CLCA2: variants seen among roughly 807,000 people sequenced by gnomAD.
CLCA2 encodes calcium-activated chloride channel regulator 2.
In CLCA2, 85 loss-of-function variants were observed where a neutral mutation model predicts 82.9. The observed-to-expected ratio is 1.03, with a 90% CI of 0.86 to 1.23. CLCA2 has a LOEUF of 1.23. CLCA2 is among the 50% of genes most tolerant of loss of function. The pLI is 0.00. For synonymous variants in CLCA2, 421 were observed against 391.7 expected, an observed-to-expected ratio of 1.07 and a Z score of -0.88; for missense variants, 1,089 against 1,124.8, an observed-to-expected ratio of 0.97 and a Z score of 0.45.
chr1:86,447,586 T>C lies in CLCA2; in HGVS notation c.1792T>C (p.Ser598Pro). 1 of 1,614,092 alleles carries C rather than the reference T, an allele frequency of 6.2e-7. No homozygotes were observed. Among genetic ancestry groups the C allele is most frequent in the Non-Finnish European group, 8.5e-7 (1 of 1,179,992 alleles). The change falls in exon 11 of 14, where the codon TCC becomes CCC. Residue 598 changes from serine (S) to proline (P), a missense_variant. Coordinates refer to ENST00000370565, the MANE Select transcript of CLCA2 (RefSeq NM_006536.7). Reference sequence around the variant, plus strand: ...GAAAGTGACAGTGACCTCTCGCGCCTCCAACTCAGCTGTGCCCCCAGCCAC... The same window carrying C: ...GAAAGTGACAGTGACCTCTCGCGCCCCCAACTCAGCTGTGCCCCCAGCCAC... ...ALKVTVTSRA[S>P]NSAVPPATVE...
intron 11 of CLCA2, 22 bp from the exon 12 acceptor site, chr1:86,450,541 A>G: frequency 3.8e-6 from 6 of 1,585,592 alleles, no homozygotes; most frequent in Non-Finnish European, 5.2e-6. Flanking sequence ...AAGTGTTGAC[A>G]CTGTGTTTTT....
At chr1:86,437,063 C>A (rs567635414) in intron 6 of CLCA2, among the ~76,000 whole-genome samples, 1 of 152,188 alleles carries the variant, frequency 6.6e-6, no homozygotes, top group East Asian at 1.9e-4. Context: ...TGGCTATCTG[C>A]CTGTATTGAG....
chr1:86,438,960 A>G lies in CLCA2; in HGVS notation c.1057A>G (p.Ser353Gly). The stretch of plus-strand genomic sequence containing the variant: ...AATTCATACCTTCGTGGGCATTGCC[A>G]GTTTCGACAGCAAAGGAGAGATCAG... ...VEIHTFVGIA[S>G]FDSKGEIRAQ... is the part of the protein sequence containing the mutation. Residue 353 changes from serine (S) to glycine (G), a missense_variant, in exon 7 of 14, where the codon AGT (serine) becomes GGT (glycine). By Grantham distance (56) the Ser-to-Gly change is moderately conservative. Transcript: ENST00000370565. 6.2e-7 allele frequency: 1 copy of G among 1,614,146 alleles called. No homozygotes were observed. Among genetic ancestry groups the G allele is most frequent in the Non-Finnish European group, 8.5e-7 (1 of 1,180,006 alleles).
chr1:86,432,623 C>A (rs1662523889), intron 5 of CLCA2, 95 bp downstream of exon 5: 3 of 1,420,152 alleles, frequency 2.1e-6, no homozygotes, highest in Non-Finnish European at 2.8e-6. Context: ...ATGCACTATA[C>A]TTTAGAACTT....
At chr1:86,425,885 G>C (rs1021161975) in intron 2 of CLCA2, among the ~76,000 whole-genome samples, 1 of 152,088 alleles carries the variant, frequency 6.6e-6, no homozygotes, top group African/African-American at 2.4e-5. Context: ...AAACCACCAT[G>C]CATATAAAAA....
rs560101259 is a variant in CLCA2, at chr1:86,443,424, T to C, written c.1489-363T>C. Among the ~76,000 whole-genome samples, 92 of 152,358 alleles carry C rather than the reference T, an allele frequency of 6.0e-4. No individual in the cohort carries two copies. In the South Asian group the frequency reaches 0.018, roughly 29 times the overall value. ...GGATCTGGACAGATTATATACAAAT[T>C]AATAAAATTTAAGCATATTCACAAA... On this transcript the variant is annotated intron_variant, in intron 9 of 13. Coordinates refer to ENST00000370565, the MANE Select transcript of CLCA2 (RefSeq NM_006536.7).
chr1:86,438,744 T>A, intron 6 of CLCA2, 132 bp from the exon 7 acceptor site: 12 of 731,892 alleles, frequency 1.6e-5, no homozygotes, highest in South Asian at 7.3e-5. Context: ...TATGTTACTC[T>A]TTAAAGCTCA....
rs1160012689 is a variant in CLCA2, at chr1:86,443,800, G to A, written c.1502G>A (p.Gly501Asp). The A allele has an allele frequency of 3.7e-6, 6 of 1,613,376 alleles. No homozygotes were observed. The East Asian group carries it at 1.1e-4, about 30-fold the overall frequency. ...TCTCTTTAACAGCTTGAAAGTACAG[G>A]TGAAAATGTCAAACCTCACCATCAA... ...FQQHIQLEST[G>D]ENVKPHHQLK... Residue 501 changes from glycine (G) to aspartate (D), a missense_variant, in exon 10 of 14, where the codon GGT becomes GAT. By Grantham distance (94) the Gly-to-Asp change is moderately conservative. Transcript: ENST00000370565.
Position 86,450,704 on chromosome 1 carries a change from C to A in CLCA2, c.2126C>A (p.Ala709Asp), listed in dbSNP as rs745980530. The A allele has an allele frequency of 6.2e-7, 1 of 1,610,786 alleles. No individual in the cohort carries two copies. Among genetic ancestry groups the A allele is most frequent in the Non-Finnish European group, 8.5e-7 (1 of 1,178,234 alleles). Residue 709 changes from alanine to aspartate, a missense_variant, in exon 12 of 14, where the codon GCT becomes GAT. Transcript: ENST00000370565. The stretch of plus-strand genomic sequence containing the variant: ...GCCCACTCTATTCCAGGGAGTCATG[C>A]TATGTATGTACCAGGTTACACAGCA... ...TPAHSIPGSHAMYVPGYTANG... is the reference protein window; with the variant it reads ...TPAHSIPGSHDMYVPGYTANG...
At chr1:86,429,514 T>C (rs1307905365) in intron 3 of CLCA2, among the ~76,000 whole-genome samples, 2 of 152,076 alleles carry the variant, frequency 1.3e-5, no homozygotes, top group African/African-American at 4.8e-5. Flanking sequence ...TGAAGAGCAA[T>C]AGACTATGCC....
At chr1:86,433,955 T>C (rs1662549211) in intron 5 of CLCA2, among the ~76,000 whole-genome samples, 1 of 152,156 alleles carries the variant, frequency 6.6e-6, no homozygotes, top group Non-Finnish European at 1.5e-5. Flanking sequence ...TTTAGTGAAT[T>C]ATATCTATAT....
intron 9 of CLCA2, among the ~76,000 whole-genome samples, chr1:86,441,968 C>A (rs888270041): frequency 3.3e-5 from 5 of 152,238 alleles, no homozygotes; most frequent in Admixed American, 2.6e-4. Flanking sequence ...TTAAATTCTA[C>A]CACAAATATC....
chr1:86,433,013 C>T (rs188242790), intron 5 of CLCA2, among the ~76,000 whole-genome samples: 10 of 152,300 alleles, frequency 6.6e-5, no homozygotes, highest in Non-Finnish European at 1.0e-4. Flanking sequence ...TGTCAATATT[C>T]CATGCTAACT....
Position 86,443,948 on chromosome 1 carries a change from A to C in CLCA2, c.1650A>C (p.Thr550=). ...ATCCTGATGGACGAAAATACTACACAAATAATTTTATCACCAATCTAACTT... is the reference window on the plus strand; with the variant it reads ...ATCCTGATGGACGAAAATACTACACCAATAATTTTATCACCAATCTAACTT... ...LFDPDGRKYY[T]NNFITNLTFR... is the part of the protein sequence containing the mutation. The change falls in exon 10 of 14, where the codon ACA becomes ACC. Residue 550 remains threonine (T), a synonymous_variant. Transcript: ENST00000370565. 1 of 1,613,756 alleles carries C rather than the reference A, an allele frequency of 6.2e-7. No homozygotes were observed. The highest frequency in any genetic ancestry group is 8.5e-7 in the Non-Finnish European group (1 of 1,179,670).
intron 11 of CLCA2, among the ~76,000 whole-genome samples, chr1:86,449,073 A>G (rs575318324): frequency 6.6e-6 from 1 of 152,248 alleles, no homozygotes; most frequent in Non-Finnish European, 1.5e-5. Flanking sequence ...TCAGGCATCA[A>G]AATGTAAATT....
intron 8 of CLCA2, 93 bp downstream of exon 8, chr1:86,440,418 G>T: frequency 9.0e-7 from 1 of 1,108,896 alleles, no homozygotes; most frequent in African/African-American, 1.6e-5. Flanking sequence ...TGGCTTAATT[G>T]AAAATACAGA....
chr1:86,450,530 CAA>C (rs766428705), intron 11 of CLCA2, 31 bp from the exon 12 acceptor site: 3 of 1,522,366 alleles, frequency 2.0e-6, no homozygotes, highest in African/African-American at 1.4e-5. Context: ...ACTATAATAA[CAA>C]GTGTTGACAC....
chr1:86,445,260 T>C (rs1411381284), intron 10 of CLCA2: 1 of 152,080 alleles, frequency 6.6e-6, no homozygotes, highest in African/African-American at 2.4e-5. Flanking sequence ...CAGTCCATTC[T>C]TTACCTCTAT....
chr1:86,435,656 A>T (rs1662592483), intron 6 of CLCA2, among the ~76,000 whole-genome samples: 1 of 152,208 alleles, frequency 6.6e-6, no homozygotes, highest in South Asian at 2.1e-4. Context: ...CTCACCTGTA[A>T]GATAGGGATA....
Sources: gnomAD v4.1 joint callset for allele counts (sites outside exome capture counted in the v4.1 genomes callset) on GRCh38, gnomAD v4.1.1 for gene constraint, MANE v1.5 for transcripts, NCBI Gene and HGNC (gene_info 2026-07-23, HGNC 2026-07-21) for gene names.